The following ZNF70 variants were observed in gnomAD, a reference collection of about 807,000 sequenced individuals.
The protein encoded by ZNF70 is zinc finger protein N27C7-1.
In ZNF70, 18 loss-of-function variants were observed where a neutral mutation model predicts 37.7. The observed-to-expected ratio is 0.48, with a 90% CI of 0.33 to 0.71. The LOEUF (loss-of-function observed/expected upper bound fraction) is 0.71, where lower values mean the gene tolerates loss of function less well. ZNF70 is among the 30% of genes least tolerant of loss of function. The pLI is 0.02. For missense variants in ZNF70, 506 were observed against 568.6 expected, an observed-to-expected ratio of 0.89 and a Z score of 1.12; for synonymous variants, 219 against 220.1, an observed-to-expected ratio of 0.99 and a Z score of 0.05.
Position 23,750,800 on chromosome 22 carries a change from T to C in ZNF70, c.-169A>G, listed in dbSNP as rs950049964. 7 of 152,300 alleles carry C rather than the reference T, an allele frequency of 4.6e-5. No individual in the cohort carries two copies. The highest frequency in any genetic ancestry group is 2.6e-4 in the Admixed American group (4 of 15,292). The allele number at this position is 152,300 out of a possible 1,614,324, so 9.4% of individuals were successfully genotyped here. ...GCCTGGGCACCCTGCAAACTCTTAG[T>C]GCAGTCAAGGTTTCCTGGCTGGGGG... On this transcript the variant is annotated 5_prime_UTR_variant, in exon 1 of 2. Coordinates refer to ENST00000341976, the MANE Select transcript of ZNF70 (RefSeq NM_021916.4).
intron 1 of ZNF70, among the ~76,000 whole-genome samples, chr22:23,747,849 AAAAAT>A (rs1478475949): frequency 6.6e-6 from 1 of 152,086 alleles, no homozygotes; most frequent in Non-Finnish European, 1.5e-5. Context: ...AAATAAAAAT[AAAAAT>A]AAAATAAAAC....
chr22:23,748,590 C>G (rs919450263), intron 1 of ZNF70, among the ~76,000 whole-genome samples: 2 of 149,002 alleles, frequency 1.3e-5, no homozygotes, highest in African/African-American at 2.5e-5. Flanking sequence ...TGTTGCCCAG[C>G]CAGGAGTGCA....
In ZNF70 at chr22:23,744,031, G is replaced by A; in HGVS notation, c.1110C>T (p.Gly370=). ...GEKPYECCQC[G]KAFCHSSALI... is the part of the protein sequence containing the mutation. ...GCGCAGAGCTGTGGCAAAAGGCCTTGCCACACTGACAGCACTCGTAGGGCT... is the reference window on the plus strand; with the variant it reads ...GCGCAGAGCTGTGGCAAAAGGCCTTACCACACTGACAGCACTCGTAGGGCT... Residue 370 remains glycine, a synonymous_variant, in exon 2 of 2, where the codon GGC becomes GGT. Coordinates refer to ENST00000341976, the MANE Select transcript of ZNF70 (RefSeq NM_021916.4). 1.9e-6 allele frequency: 3 copies of A among 1,614,152 alleles called. No homozygotes were observed. Among genetic ancestry groups the A allele is most frequent in the Non-Finnish European group, 2.5e-6 (3 of 1,180,024 alleles).
chr22:23,748,240 GA>G (rs201992374), intron 1 of ZNF70, among the ~76,000 whole-genome samples: 2 of 150,414 alleles, frequency 1.3e-5, no homozygotes, highest in Admixed American at 6.6e-5. Flanking sequence ...TTTCTACTTG[GA>G]AAAAAAAATT....
intron 1 of ZNF70, among the ~76,000 whole-genome samples, chr22:23,748,820 C>T (rs1462961846): frequency 1.3e-5 from 2 of 152,032 alleles, no homozygotes; most frequent in African/African-American, 4.8e-5. Flanking sequence ...GCTGGGATTA[C>T]AGGTGTGAGC....
Position 23,748,421 on chromosome 22 carries a change from T to G in ZNF70, c.-80+2290A>C, listed in dbSNP as rs1206949294. ...CATCCAGCTAATTTTTTAATTTTTC[T>G]GTAGAGATGAGATAATATTATGTTG... On this transcript the variant is annotated intron_variant, in intron 1 of 1. Coordinates refer to ENST00000341976, the MANE Select transcript of ZNF70 (RefSeq NM_021916.4). Among the ~76,000 whole-genome samples the G allele has an allele frequency of 2.6e-5, 4 of 152,092 alleles. No homozygotes were observed. In the East Asian group the frequency reaches 7.7e-4, roughly 29 times the overall value.
At position 23,743,134 on chromosome 22, in the gene ZNF70, CAG is replaced by C. The variant is rs1924936296; in HGVS notation, c.*664_*665del. 1 of 152,596 alleles carries C rather than the reference CAG, an allele frequency of 6.6e-6. No homozygotes were observed. The highest frequency in any genetic ancestry group is 2.1e-4 in the South Asian group (1 of 4,830). 9.5% of individuals were successfully genotyped at this position (152,596 alleles called of 1,614,324 possible). ...GGATCAAATCTCTATCCTCCTGTAACAGAGCTGTCTGAGGGAAACTGCCCTAG... is the reference window on the plus strand; with the variant it reads ...GGATCAAATCTCTATCCTCCTGTAACAGCTGTCTGAGGGAAACTGCCCTAG... On this transcript the variant is annotated 3_prime_UTR_variant, in exon 2 of 2. Transcript: ENST00000341976.
Position 23,740,769 on chromosome 22 carries a change from A to AC in ZNF70, c.*3030_*3031insG, listed in dbSNP as rs1569133192. 1 of 150,286 alleles carries AC rather than the reference A, an allele frequency of 6.7e-6. No individual in the cohort carries two copies. The highest frequency in any genetic ancestry group is 2.5e-5 in the African/African-American group (1 of 39,882). 9.3% of individuals were successfully genotyped at this position (150,286 alleles called of 1,614,324 possible). On this transcript the variant is annotated 3_prime_UTR_variant, in exon 2 of 2. Transcript: ENST00000341976. ...GAGACTCTGTCTCAAAAAAAAAAAA[A>AC]AAAAAAAAAAAACTAATAAAACAAG...
Position 23,744,132 on chromosome 22 carries a change from T to C in ZNF70, c.1009A>G (p.Lys337Glu), listed in dbSNP as rs202184532. ...AAGGCTTTCCCACACTTCTGGCATT[T>C]GTAGGGCTTCTCGCCAGTGTGGGTC... ...RKTHTGEKPY[K>E]CQKCGKAFSQ... Residue 337 changes from lysine to glutamate, a missense_variant, in exon 2 of 2, where the codon AAA (lysine) becomes GAA (glutamate). Physicochemically the swap from Lys to Glu is moderately conservative, Grantham distance 56. Transcript: ENST00000341976. 6.2e-7 allele frequency: 1 copy of C among 1,605,570 alleles called. No individual in the cohort carries two copies. The highest frequency in any genetic ancestry group is 8.5e-7 in the Non-Finnish European group (1 of 1,176,868).
Position 23,740,100 on chromosome 22 carries a change from G to C in ZNF70, c.*3700C>G, listed in dbSNP as rs959424496. On this transcript the variant is annotated 3_prime_UTR_variant, in exon 2 of 2. Coordinates refer to ENST00000341976, the MANE Select transcript of ZNF70 (RefSeq NM_021916.4). ...CCGAGGCGGGCGGATCACGAGCTCA[G>C]GAGATAGATACCATCTTGGCTAACA... 6.6e-6 allele frequency: 1 copy of C among 151,562 alleles called. No homozygotes were observed. Among genetic ancestry groups the C allele is most frequent in the African/African-American group, 2.4e-5 (1 of 41,346 alleles). The allele number at this position is 151,562 out of a possible 1,614,324, so 9.4% of individuals were successfully genotyped here.
At position 23,742,215 on chromosome 22, in the gene ZNF70, T is replaced by G; in HGVS notation, c.*1585A>C. 1 of 151,888 alleles carries G rather than the reference T, an allele frequency of 6.6e-6. No individual in the cohort carries two copies. The highest frequency in any genetic ancestry group is 2.1e-4 in the South Asian group (1 of 4,808). The allele number at this position is 151,888 out of a possible 1,614,324, so 9.4% of individuals were successfully genotyped here. ...GTAAGCCAAGATCACGCCACTGCAT[T>G]CCAGCCTGGCAACAGGGCAACACTC... On this transcript the variant is annotated 3_prime_UTR_variant, in exon 2 of 2. Transcript: ENST00000341976.
chr22:23,740,145 T>C lies in ZNF70; in HGVS notation c.*3655A>G, dbSNP rs56752750. The C allele has an allele frequency of 0.1, 15,623 of 149,834 alleles. 1,020 individuals are homozygous for C. Among genetic ancestry groups the C allele is most frequent in the East Asian group, 0.3 (1,462 of 4,834 alleles). The allele number at this position is 149,834 out of a possible 1,614,324, so 9.3% of individuals were successfully genotyped here. A position where few individuals can be genotyped will look rare whatever the true frequency, so the allele number is the denominator to read the frequency against. ...CTAACACGGTGAAACCCCGTCTCTA[T>C]TAAAAATACAAAAAATTAGCCGGGC... On this transcript the variant is annotated 3_prime_UTR_variant, in exon 2 of 2. Coordinates refer to ENST00000341976, the MANE Select transcript of ZNF70 (RefSeq NM_021916.4).
At chr22:23,748,942 A>G (rs1267683365) in intron 1 of ZNF70, among the ~76,000 whole-genome samples, 2 of 151,848 alleles carry the variant, frequency 1.3e-5, no homozygotes, top group African/African-American at 4.8e-5. Flanking sequence ...TCCAGAATGG[A>G]GTGCAGTAGT....
Position 23,739,596 on chromosome 22 carries a change from TTTGTTG to T in ZNF70, c.*4198_*4203del, listed in dbSNP as rs920015072. The T allele has an allele frequency of 6.6e-6, 1 of 151,754 alleles. No homozygotes were observed. The highest frequency in any genetic ancestry group is 1.5e-5 in the Non-Finnish European group (1 of 68,048). The allele number at this position is 151,754 out of a possible 1,614,324, so 9.4% of individuals were successfully genotyped here. Reference sequence around the variant, plus strand: ...CCACCGCTCCCGGCTATTTTTTGTTTTTGTTGTTGTTGTTTTCCCCGAGATGGAGTC... The same window carrying T: ...CCACCGCTCCCGGCTATTTTTTGTTTTTGTTGTTTTCCCCGAGATGGAGTC... On this transcript the variant is annotated 3_prime_UTR_variant, in exon 2 of 2. Coordinates refer to ENST00000341976, the MANE Select transcript of ZNF70 (RefSeq NM_021916.4).
intron 1 of ZNF70, among the ~76,000 whole-genome samples, chr22:23,747,199 G>C (rs1925158805): frequency 6.6e-6 from 1 of 152,156 alleles, no homozygotes; most frequent in Admixed American, 6.5e-5. Flanking sequence ...CCCCAGAGTG[G>C]GGGACAGGCA....
At position 23,744,439 on chromosome 22, in the gene ZNF70, G is replaced by A. The variant is rs1925018736; in HGVS notation, c.702C>T (p.Ser234=). 1 of 1,613,980 alleles carries A rather than the reference G, an allele frequency of 6.2e-7. No individual in the cohort carries two copies. The highest frequency in any genetic ancestry group is 1.3e-5 in the African/African-American group (1 of 74,878). The stretch of plus-strand genomic sequence containing the variant: ...CGTGTTTTCTGAGGCTGGAGCTCCG[G>A]CTGAAATCTTTCCCGCATTCCCTGC... The part of the protein sequence containing the change: ...YECRECGKDF[S]RSSSLRKHER... Residue 234 remains serine (S), a synonymous_variant, in exon 2 of 2, where the codon AGC becomes AGT. Coordinates refer to ENST00000341976, the MANE Select transcript of ZNF70 (RefSeq NM_021916.4).
At chr22:23,749,088 C>A (rs1033822056) in intron 1 of ZNF70, among the ~76,000 whole-genome samples, 2 of 151,408 alleles carry the variant, frequency 1.3e-5, no homozygotes, top group Non-Finnish European at 2.9e-5. Context: ...AAAGGCCGGA[C>A]GCGGTGGCTC....
intron 1 of ZNF70, among the ~76,000 whole-genome samples, chr22:23,749,218 C>T (rs1008677818): frequency 2.0e-5 from 3 of 151,344 alleles, no homozygotes; most frequent in Admixed American, 6.6e-5. Flanking sequence ...AAAATTACAG[C>T]GCGTCTGTAA....
chr22:23,746,207 T>A (rs1319337565), intron 1 of ZNF70, among the ~76,000 whole-genome samples: 36 of 147,176 alleles, frequency 2.4e-4, no homozygotes, highest in African/African-American at 8.5e-4. Context: ...TTCCCTTTTT[T>A]TTTTTTTTTT....
Sources: allele counts gnomAD v4.1 joint callset (sites outside exome capture counted in the v4.1 genomes callset), GRCh38; gene constraint gnomAD v4.1.1; transcripts MANE v1.5; gene names NCBI Gene and HGNC (gene_info 2026-07-23, HGNC 2026-07-21).